Variants in PDE10A observed in about 807,000 individuals in gnomAD.
PDE10A encodes the protein cAMP and cAMP-inhibited cGMP 3',5'-cyclic phosphodiesterase 10A.
PDE10A carries 39 observed loss-of-function variants against 97.7 expected under a neutral mutation model. That is an observed-to-expected ratio of 0.40 (90% CI 0.31 to 0.52). The LOEUF (loss-of-function observed/expected upper bound fraction) is 0.52. Ranked by LOEUF, PDE10A falls within the 20% of genes least tolerant of loss-of-function variation. The pLI is 0.56. For missense variants in PDE10A, 731 were observed against 1,047.8 expected (o/e 0.70, Z 4.17); for synonymous variants, 371 against 376.8 (o/e 0.98, Z 0.18).
At chr6:165,958,420 G>A (rs192211247) in intron 1 of PDE10A, among the ~76,000 whole-genome samples, 56 of 151,164 alleles carry the variant, frequency 3.7e-4, no homozygotes, top group African/African-American at 1.3e-3. Flanking sequence ...AGCTGAGATC[G>A]TGCCATTGCA....
intron 1 of PDE10A, among the ~76,000 whole-genome samples, chr6:165,759,649 G>A (rs991629268): frequency 1.3e-5 from 2 of 152,170 alleles, no homozygotes; most frequent in African/African-American, 4.8e-5. Flanking sequence ...AGATTTCTGA[G>A]GACAACTTCC....
At chr6:165,920,364 C>G (rs781556273) in intron 1 of PDE10A, among the ~76,000 whole-genome samples, 6 of 152,182 alleles carry the variant, frequency 3.9e-5, no homozygotes, top group Non-Finnish European at 8.8e-5. Context: ...TGCCCTTACT[C>G]CTTCTTTCAA....
chr6:165,839,940 T>C (rs1371748878), intron 1 of PDE10A, among the ~76,000 whole-genome samples: 3 of 43,410 alleles, frequency 6.9e-5, no homozygotes, highest in Admixed American at 1.9e-4. Flanking sequence ...CATTCTTATC[T>C]TCATTTCCAT....
intron 1 of PDE10A, among the ~76,000 whole-genome samples, chr6:165,546,815 T>C (rs1274735608): frequency 6.6e-6 from 1 of 152,144 alleles, no homozygotes; most frequent in Non-Finnish European, 1.5e-5. Context: ...TGAACTCATG[T>C]ATGACAATAC....
intron 1 of PDE10A, among the ~76,000 whole-genome samples, chr6:165,764,986 T>A (rs959517242): frequency 2.0e-5 from 3 of 151,974 alleles, no homozygotes; most frequent in Non-Finnish European, 2.9e-5. Flanking sequence ...CACATCCCCA[T>A]CAGATTAGTT....
chr6:165,922,314 A>G lies in PDE10A; in HGVS notation c.-615+65215T>C, dbSNP rs560748523. On this transcript the variant is annotated intron_variant, in intron 1 of 19. Transcript: ENST00000366882. ...CAAGCCCAACCACTTGGCGGCACAC[A>G]GAGTCTAATGAGTGGGCAGGGTCAC... Among the ~76,000 whole-genome samples the G allele has an allele frequency of 5.3e-5, 8 of 152,278 alleles. 1 individual carries two copies. The South Asian group carries it at 1.7e-3, about 32-fold the overall frequency.
At chr6:165,637,115 A>G (rs1158773293) in intron 1 of PDE10A, among the ~76,000 whole-genome samples, 1 of 152,180 alleles carries the variant, frequency 6.6e-6, no homozygotes, top group East Asian at 1.9e-4. Context: ...CCCATGTTAT[A>G]AATGAACTGA....
intron 1 of PDE10A, among the ~76,000 whole-genome samples, chr6:165,919,778 T>C (rs1782706014): frequency 6.6e-6 from 1 of 152,202 alleles, no homozygotes; most frequent in African/African-American, 2.4e-5. Flanking sequence ...TTATTTGCTC[T>C]TTATTCTGAT....
intron 1 of PDE10A, among the ~76,000 whole-genome samples, chr6:165,910,541 A>G (rs1782425800): frequency 6.6e-6 from 1 of 152,230 alleles, no homozygotes; most frequent in South Asian, 2.1e-4. Context: ...TTTTAATAAC[A>G]TCTTGGGGGT....
At chr6:165,674,464 G>C (rs1013477220) in intron 1 of PDE10A, among the ~76,000 whole-genome samples, 5 of 152,188 alleles carry the variant, frequency 3.3e-5, no homozygotes, top group Admixed American at 6.5e-5. Context: ...GGGAGAAAGC[G>C]GAAGTGGCTG....
chr6:165,954,313 G>A (rs745654484), intron 1 of PDE10A, among the ~76,000 whole-genome samples: 14 of 152,150 alleles, frequency 9.2e-5, no homozygotes, highest in African/African-American at 2.9e-4. Context: ...CTCTTGTGAC[G>A]TACTGATATT....
At position 165,479,562 on chromosome 6, in the gene PDE10A, C is replaced by G. The variant is rs575723886; in HGVS notation, c.1023+2753G>C. Among the ~76,000 whole-genome samples the G allele has an allele frequency of 2.1e-4, 32 of 152,274 alleles. 1 individual carries two copies. In the South Asian group the frequency reaches 6.6e-3, roughly 32 times the overall value. On this transcript the variant is annotated intron_variant, in intron 3 of 21. Coordinates refer to ENST00000539869, the MANE Select transcript of PDE10A (RefSeq NM_001385079.1). ...CCTCTGAACCACCATCACTCTGAAGCCCCTTATTCTGCTTTATTCTTCCAT... is the reference window on the plus strand; with the variant it reads ...CCTCTGAACCACCATCACTCTGAAGGCCCTTATTCTGCTTTATTCTTCCAT...
intron 3 of PDE10A, among the ~76,000 whole-genome samples, chr6:165,452,901 G>GA (rs200980084): frequency 0.34 from 48,030 of 140,436 alleles, 8,399 homozygotes; most frequent in African/African-American, 0.47. Context: ...TGAGGGTTTA[G>GA]AAAAAAAAAA....
chr6:165,663,261 A>ACGCCGC (rs376739819), upstream of PDE10A, among the ~76,000 whole-genome samples: 23 of 150,286 alleles, frequency 1.5e-4, no homozygotes, highest in East Asian at 1.0e-3. Flanking sequence ...GGCGCTCCCC[A>ACGCCGC]CGCCGCCGCC....
intron 1 of PDE10A, among the ~76,000 whole-genome samples, chr6:165,871,697 G>T (rs999270442): frequency 2.0e-5 from 3 of 152,316 alleles, no homozygotes; most frequent in Admixed American, 6.5e-5. Context: ...CCCAGGCAGG[G>T]TAAGTGCCAG....
At chr6:165,920,212 G>A (rs1052622260) in intron 1 of PDE10A, among the ~76,000 whole-genome samples, 1 of 152,088 alleles carries the variant, frequency 6.6e-6, no homozygotes, top group Non-Finnish European at 1.5e-5. Context: ...AATTTCTGCT[G>A]GTTCTTTACA....
At chr6:165,752,154 A>C (rs1325911369) in intron 1 of PDE10A, among the ~76,000 whole-genome samples, 1 of 114,550 alleles carries the variant, frequency 8.7e-6, no homozygotes, top group Non-Finnish European at 1.8e-5. Context: ...AAAAAAAAAA[A>C]GTGGGTAAAA....
chr6:165,819,237 G>A lies in PDE10A; in HGVS notation c.-615+168292C>T, dbSNP rs775793958. On this transcript the variant is annotated intron_variant, in intron 1 of 19. Transcript: ENST00000366882. This position sits in a 1 kb window ranked among gnomAD's most constrained non-coding sequence, Gnocchi z 4.2. ...AGCATCCTGAGCCCAGTCAGCACAC[G>A]TTGGGATGATTTTTGACTCCTGCCC... 2.0e-5 allele frequency among the ~76,000 whole-genome samples: 3 copies of A among 152,152 alleles called. No individual in the cohort carries two copies. The highest frequency in any genetic ancestry group is 4.8e-5 in the African/African-American group (2 of 41,444).
At chr6:165,543,864 A>G (rs1783596638) in intron 1 of PDE10A, among the ~76,000 whole-genome samples, 1 of 147,758 alleles carries the variant, frequency 6.8e-6, no homozygotes, top group African/African-American at 2.6e-5. Flanking sequence ...ACCATTTTTC[A>G]TATATACGTG....
Sources: gnomAD v4.1 joint callset for allele counts (sites outside exome capture counted in the v4.1 genomes callset) on GRCh38, gnomAD v4.1.1 for gene constraint, Gnocchi (gnomAD v3.1) non-coding constraint, MANE v1.5 for transcripts, NCBI Gene and HGNC (gene_info 2026-07-23, HGNC 2026-07-21) for gene names.